The following ARSB variants were observed in gnomAD, a reference collection of about 807,000 sequenced individuals.
ARSB encodes the protein arylsulfatase B, also known as N-acetylgalactosamine-4-sulfatase.
ARSB carries 41 observed loss-of-function variants against 50.9 expected under a neutral mutation model. The ratio of observed to expected loss-of-function variants is 0.81; its 90% confidence interval spans 0.63 to 1.04. ARSB has a LOEUF of 1.04. Among genes scored for constraint, ARSB ranks in the 50% least tolerant of loss-of-function variants. The pLI is 0.00. For synonymous variants in ARSB, 269 were observed against 284.8 expected, an observed-to-expected ratio of 0.94 and a Z score of 0.56; for missense variants, 672 against 693.3, an observed-to-expected ratio of 0.97 and a Z score of 0.35.
intron 6 of ARSB, among the ~76,000 whole-genome samples, chr5:78,795,354 T>C (rs1182721397): frequency 2.0e-5 from 3 of 152,024 alleles, no homozygotes; most frequent in African/African-American, 7.2e-5. Flanking sequence ...CCCATGTGGG[T>C]GCAGGTACAT....
At chr5:78,794,150 T>C (rs1743089371) in intron 6 of ARSB, among the ~76,000 whole-genome samples, 1 of 152,214 alleles carries the variant, frequency 6.6e-6, no homozygotes, top group African/African-American at 2.4e-5. Context: ...AGGAGTCTGC[T>C]TCTCAGGCTT....
intron 6 of ARSB, chr5:78,783,433 G>A (rs922683230): frequency 2.0e-5 from 3 of 152,118 alleles, no homozygotes. Flanking sequence ...AGACAAGCTG[G>A]AGACAGATCC....
At chr5:78,931,688 C>A (rs939243495) in intron 4 of ARSB, among the ~76,000 whole-genome samples, 2 of 137,368 alleles carry the variant, frequency 1.5e-5, no homozygotes, top group African/African-American at 5.7e-5. Flanking sequence ...CATGACTCTA[C>A]AAAATTTCAT....
At chr5:78,968,801 A>C (rs1752320669) in intron 2 of ARSB, among the ~76,000 whole-genome samples, 2 of 152,216 alleles carry the variant, frequency 1.3e-5, no homozygotes, top group South Asian at 4.1e-4. Context: ...TTAGAACTCC[A>C]ACAAAGGTAA....
At position 78,778,519 on chromosome 5, in the gene ARSB, C is replaced by T. The variant is rs1483516243; in HGVS notation, c.*1878G>A. ...GGTAGGCACAGTTCCTTTTCTCCCC[C>T]CACTGGAGAGGACGCTACAACCTTG... On this transcript the variant is annotated 3_prime_UTR_variant, in exon 8 of 8. Transcript: ENST00000264914. 1.3e-5 allele frequency: 2 copies of T among 152,274 alleles called. No individual in the cohort carries two copies. The highest frequency in any genetic ancestry group is 2.4e-5 in the African/African-American group (1 of 41,546). The allele number at this position is 152,274 out of a possible 1,614,324, so 9.4% of individuals were successfully genotyped here. A position where few individuals can be genotyped will look rare whatever the true frequency, so the allele number is the denominator to read the frequency against.
rs145703241 is a variant in ARSB, at chr5:78,888,335, AC to A, written c.899-2509del. On this transcript the variant is annotated intron_variant, in intron 4 of 7. Coordinates refer to ENST00000264914, the MANE Select transcript of ARSB (RefSeq NM_000046.5). ...GAAGAAATTCCTCCATGTTCATGAT[AC>A]TGCACAGAGTAGCAATCACTCATAA... Among the ~76,000 whole-genome samples the A allele has an allele frequency of 3.6e-3, 547 of 152,372 alleles. 3 individuals carry two copies. Among genetic ancestry groups the A allele is most frequent in the African/African-American group, 0.013 (528 of 41,584 alleles).
At chr5:78,781,703 G>T in intron 7 of ARSB, 149 bp downstream of exon 7, 1 of 1,243,080 alleles carries the variant, frequency 8.0e-7, no homozygotes. Context: ...GAAACGGTTA[G>T]AACAAGAGTG....
chr5:78,930,801 G>A (rs375208783), intron 4 of ARSB, among the ~76,000 whole-genome samples: 106 of 152,274 alleles, frequency 7.0e-4, no homozygotes, highest in African/African-American at 2.4e-3. Context: ...TTGTTTTTAA[G>A]CCTGATGGGG....
intron 6 of ARSB, among the ~76,000 whole-genome samples, chr5:78,791,959 C>T (rs2112632658): frequency 6.6e-6 from 1 of 151,882 alleles, no homozygotes; most frequent in South Asian, 2.1e-4. Flanking sequence ...CTTCCTTGAG[C>T]CACACTGGAA....
chr5:78,787,799 G>T (rs570086245), intron 6 of ARSB, among the ~76,000 whole-genome samples: 1 of 152,174 alleles, frequency 6.6e-6, no homozygotes, highest in African/African-American at 2.4e-5. Flanking sequence ...CAAGGTAGAC[G>T]GCTCCACAAC....
At chr5:78,961,126 G>C (rs16876147) in intron 3 of ARSB, among the ~76,000 whole-genome samples, 40,353 of 151,980 alleles carry the variant, frequency 0.27, 6,663 homozygotes, top group African/African-American at 0.47. Flanking sequence ...TCTTCATGTG[G>C]CTTTCTTTAA....
At chr5:78,804,397 G>A (rs1743494350) in intron 6 of ARSB, among the ~76,000 whole-genome samples, 1 of 152,134 alleles carries the variant, frequency 6.6e-6, no homozygotes, top group Non-Finnish European at 1.5e-5. Flanking sequence ...CATCACATAA[G>A]CCTCTCTTAA....
At position 78,969,269 on chromosome 5, in the gene ARSB, C is replaced by T. The variant is rs918581; in HGVS notation, c.313-77G>A. The stretch of plus-strand genomic sequence containing the variant: ...ACAAGCAGATAAAATGGCCTTCTAC[C>T]TTACTGATCATATCTGTTGACTTGG... On this transcript the variant is annotated intron_variant, in intron 1 of 7. Coordinates refer to ENST00000264914, the MANE Select transcript of ARSB (RefSeq NM_000046.5). 0.18 allele frequency: 264,665 copies of T among 1,476,196 alleles called. 24,655 individuals carry two copies. The highest frequency in any genetic ancestry group is 0.24 in the Middle Eastern group (1,139 of 4,654). 91.4% of individuals were successfully genotyped at this position (1,476,196 alleles called of 1,614,324 possible).
At chr5:78,946,610 T>C (rs144359882) in intron 4 of ARSB, among the ~76,000 whole-genome samples, 9 of 152,164 alleles carry the variant, frequency 5.9e-5, no homozygotes, top group South Asian at 4.2e-4. Context: ...CTATAAAACA[T>C]TGATGAAGGA....
At chr5:78,829,900 G>T (rs1744595016) in intron 6 of ARSB, among the ~76,000 whole-genome samples, 1 of 152,180 alleles carries the variant, frequency 6.6e-6, no homozygotes, top group African/African-American at 2.4e-5. Flanking sequence ...TTTACAGATG[G>T]TAAGACTGGG....
intron 6 of ARSB, among the ~76,000 whole-genome samples, chr5:78,832,374 C>T (rs1229312231): frequency 6.6e-6 from 1 of 152,046 alleles, no homozygotes; most frequent in Non-Finnish European, 1.5e-5. Flanking sequence ...TGTCCATGCC[C>T]TCTTCCAGAC....
intron 2 of ARSB, among the ~76,000 whole-genome samples, chr5:78,965,277 A>G (rs1752156564): frequency 7.1e-6 from 1 of 140,528 alleles, no homozygotes; most frequent in Admixed American, 6.8e-5. Flanking sequence ...CATGGAAGAA[A>G]ATGGGTTTTC....
chr5:78,876,765 C>T (rs569931126), intron 5 of ARSB, among the ~76,000 whole-genome samples: 2 of 152,278 alleles, frequency 1.3e-5, no homozygotes, highest in South Asian at 4.1e-4. Context: ...TGGACCGGTA[C>T]CCATCTGTGG....
chr5:78,887,809 T>C (rs1748106219), intron 4 of ARSB, among the ~76,000 whole-genome samples: 1 of 152,094 alleles, frequency 6.6e-6, no homozygotes, highest in African/African-American at 2.4e-5. Context: ...TAGTATAGAG[T>C]GGGCTCACAC....
Sources: allele counts gnomAD v4.1 joint callset (sites outside exome capture counted in the v4.1 genomes callset), GRCh38; gene constraint gnomAD v4.1.1; transcripts MANE v1.5; gene names NCBI Gene and HGNC (gene_info 2026-07-23, HGNC 2026-07-21).